The following AIRIM variants were observed in gnomAD, a reference collection of about 807,000 sequenced individuals.
AIRIM encodes the protein AFG2-interacting ribosome maturation factor.
At chr1:37,688,067 CTTTT>C in the AIRIM span, among the ~76,000 whole-genome samples, 2 of 151,794 alleles carry the variant, frequency 1.3e-5, no homozygotes, top group African/African-American at 4.8e-5. Flanking sequence ...ACTTTTCTCT[CTTTT>C]TTTGAGACAG....
the AIRIM span, chr1:37,686,372 G>GT: frequency 6.2e-7 from 1 of 1,614,142 alleles, no homozygotes; most frequent in Non-Finnish European, 8.5e-7. Flanking sequence ...AATGCCAACT[G>GT]TGTCTGCGTG....
chr1:37,686,537 GACT>G, the AIRIM span: 1 of 1,342,382 alleles, frequency 7.4e-7, no homozygotes, highest in Non-Finnish European at 1.0e-6. Context: ...TGATATTTTG[GACT>G]ACATGATTCT....
chr1:37,690,434 C>A, the AIRIM span: 12 of 1,264,418 alleles, frequency 9.5e-6, no homozygotes, highest in East Asian at 5.6e-4. Context: ...CTGCCGGTCG[C>A]CTTCCTGAAA....
At chr1:37,689,637 C>A in the AIRIM span, 1 of 1,612,136 alleles carries the variant, frequency 6.2e-7, no homozygotes, top group South Asian at 1.1e-5. Flanking sequence ...AGGACGATGT[C>A]ACCAGCCACC....
chr1:37,688,749 C>T, the AIRIM span, among the ~76,000 whole-genome samples: 2 of 152,106 alleles, frequency 1.3e-5, no homozygotes, highest in Non-Finnish European at 2.9e-5. Flanking sequence ...TCCCCTCTGT[C>T]CTCAATAACC....
the AIRIM span, among the ~76,000 whole-genome samples, chr1:37,684,414 T>C: frequency 6.6e-6 from 1 of 151,800 alleles, no homozygotes; most frequent in African/African-American, 2.4e-5. Context: ...AGGTCAGGAG[T>C]TTCAGATCAG....
At chr1:37,685,015 G>C in the AIRIM span, among the ~76,000 whole-genome samples, 6 of 151,902 alleles carry the variant, frequency 3.9e-5, no homozygotes, top group African/African-American at 1.5e-4. Flanking sequence ...AAATTTTTTT[G>C]AGAGAAAAAT....
chr1:37,686,656 T>C, the AIRIM span, among the ~76,000 whole-genome samples: 3 of 152,140 alleles, frequency 2.0e-5, no homozygotes, highest in African/African-American at 7.2e-5. Flanking sequence ...CCATAAGCCA[T>C]AACAACCAAT....
chr1:37,686,838 G>A, the AIRIM span, among the ~76,000 whole-genome samples: 5 of 152,066 alleles, frequency 3.3e-5, no homozygotes, highest in Non-Finnish European at 4.4e-5. Context: ...GAGGCTGAGC[G>A]GGGTGGATCA....
the AIRIM span, among the ~76,000 whole-genome samples, chr1:37,685,917 C>A: frequency 1.3e-5 from 2 of 152,320 alleles, no homozygotes; most frequent in East Asian, 3.9e-4. Flanking sequence ...CTTCAGATCT[C>A]TGCTCAAATA....
the AIRIM span, among the ~76,000 whole-genome samples, chr1:37,684,515 A>G: frequency 6.6e-5 from 10 of 152,158 alleles, no homozygotes; most frequent in Non-Finnish European, 1.5e-5. Flanking sequence ...GCTACTTGGG[A>G]GGCTGAGGCA....
chr1:37,685,202 G>GA, the AIRIM span, among the ~76,000 whole-genome samples: 2,051 of 124,194 alleles, frequency 0.017, 57 homozygotes, highest in Non-Finnish European at 0.028. Context: ...TGGGGGGGGG[G>GA]GGTGGGCGGG....
At chr1:37,687,059 A>AGTGTGTGTGTGT in the AIRIM span, among the ~76,000 whole-genome samples, 2 of 141,292 alleles carry the variant, frequency 1.4e-5, no homozygotes, top group Non-Finnish European at 3.1e-5. Flanking sequence ...CCGTCTCAAA[A>AGTGTGTGTGTGT]GTGTGTGTGT....
chr1:37,689,606 A>C, the AIRIM span: 3 of 1,595,642 alleles, frequency 1.9e-6, no homozygotes, highest in Non-Finnish European at 2.6e-6. Context: ...AGCTGCTTAC[A>C]GCCTTTCCCC....
the AIRIM span, chr1:37,686,144 A>G: frequency 1.2e-6 from 1 of 835,024 alleles, no homozygotes; most frequent in Non-Finnish European, 1.8e-6. Context: ...AAAGGAATGC[A>G]GGAAGAATCC....
the AIRIM span, among the ~76,000 whole-genome samples, chr1:37,685,861 G>A: frequency 2.0e-5 from 3 of 151,954 alleles, no homozygotes; most frequent in East Asian, 5.8e-4. Context: ...CCTCTGCCTA[G>A]TAACTTTCTC....
At chr1:37,682,537 G>A in the AIRIM span, 3 of 152,708 alleles carry the variant, frequency 2.0e-5, no homozygotes, top group African/African-American at 7.2e-5. Context: ...AAAGCATTCA[G>A]AATGATTCAT....
At chr1:37,685,263 C>T in the AIRIM span, among the ~76,000 whole-genome samples, 5 of 151,172 alleles carry the variant, frequency 3.3e-5, no homozygotes, top group Admixed American at 3.3e-4. Context: ...GTGATCACAC[C>T]CAGGCTGGCA....
the AIRIM span, chr1:37,689,667 G>A: frequency 3.7e-6 from 6 of 1,613,728 alleles, no homozygotes; most frequent in African/African-American, 6.7e-5. Flanking sequence ...CGCCTCAGCC[G>A]CTCTTTTAAA....
Sources: allele counts gnomAD v4.1 joint callset (sites outside exome capture counted in the v4.1 genomes callset), GRCh38; gene constraint gnomAD v4.1.1; transcripts MANE v1.5; gene names NCBI Gene and HGNC (gene_info 2026-07-23, HGNC 2026-07-21).